The following PRR15L variants were observed in gnomAD, a reference collection of about 807,000 sequenced individuals.
PRR15L encodes the protein proline rich 15 like.
A neutral mutation model predicts 3.7 loss-of-function variants in PRR15L; 1 was observed. That is an observed-to-expected ratio of 0.27 (90% CI 0.09 to 1.27). The LOEUF (loss-of-function observed/expected upper bound fraction) is 1.27, where lower values mean the gene tolerates loss of function less well. Among genes scored for constraint, PRR15L ranks in the 50% most tolerant of loss-of-function variants. The pLI is 0.47. For missense variants in PRR15L, 127 were observed against 128.7 expected, an observed-to-expected ratio of 0.99 and a Z score of 0.06; for synonymous variants, 57 against 51.9, an observed-to-expected ratio of 1.10 and a Z score of -0.42.
chr17:47,955,456 A>G (rs1471102750), intron 1 of PRR15L, among the ~76,000 whole-genome samples: 2 of 150,078 alleles, frequency 1.3e-5, no homozygotes, highest in Non-Finnish European at 3.0e-5. Context: ...CTCAGAGCAC[A>G]CAGCCGGTGG....
rs1017562837 is a variant in PRR15L, at chr17:47,953,098, C to T, written c.137G>A (p.Gly46Asp). Residue 46 changes from glycine to aspartate, a missense_variant, in exon 2 of 2, where the codon GGC becomes GAC. Transcript: ENST00000300557. The part of the protein sequence containing the change: ...DAEPPRPDAG[G>D]PNSDFNTRLE... ...GCGGGTGTTAAAGTCGCTGTTGGGG[C>T]CTCCAGCGTCAGGCCTCGGGGGTTC... The T allele has an allele frequency of 1.7e-5, 27 of 1,614,010 alleles. 1 individual carries two copies. In the Middle Eastern group the frequency reaches 9.9e-4, roughly 59 times the overall value.
chr17:47,953,824 G>A (rs925519114), intron 1 of PRR15L, among the ~76,000 whole-genome samples: 3 of 152,210 alleles, frequency 2.0e-5, no homozygotes, highest in Non-Finnish European at 4.4e-5. Flanking sequence ...CCACTCGCCA[G>A]ACAGAGAGGC....
chr17:47,952,642 T>G lies in PRR15L; in HGVS notation c.*281A>C. 1 of 333,946 alleles carries G rather than the reference T, an allele frequency of 3.0e-6. No homozygotes were observed. Among genetic ancestry groups the G allele is most frequent in the Non-Finnish European group, 5.5e-6 (1 of 181,078 alleles). 20.7% of individuals were successfully genotyped at this position (333,946 alleles called of 1,614,324 possible). ...GCCCACCTCCCTGCTGGCCCTGCCA[T>G]TGCTTCAAGGAGGGCTGTTCCTCCT... is the stretch of plus-strand genomic sequence containing the variant. On this transcript the variant is annotated 3_prime_UTR_variant, in exon 2 of 2. Transcript: ENST00000300557.
chr17:47,953,264 C>A lies in PRR15L; in HGVS notation c.-29-1G>T. Reference sequence around the variant, plus strand: ...CTCCCTAAGCCAAGGATGGGGCTTTCTGCTGGAGCAGGGTGGGGGAGACAA... The same window carrying A: ...CTCCCTAAGCCAAGGATGGGGCTTTATGCTGGAGCAGGGTGGGGGAGACAA... On this transcript the variant is annotated splice_acceptor_variant, in intron 1 of 1. Coordinates refer to ENST00000300557, the MANE Select transcript of PRR15L (RefSeq NM_024320.4). LOFTEE classifies it low-confidence loss of function (5UTR_SPLICE). 1 of 1,517,420 alleles carries A rather than the reference C, an allele frequency of 6.6e-7. No individual in the cohort carries two copies. 94.0% of individuals were successfully genotyped at this position (1,517,420 alleles called of 1,614,324 possible).
At chr17:47,957,104 A>T (rs1003709710) in intron 1 of PRR15L, among the ~76,000 whole-genome samples, 15 of 152,204 alleles carry the variant, frequency 9.9e-5, no homozygotes, top group Non-Finnish European at 2.2e-4. Flanking sequence ...TAGCATGCAC[A>T]TGGGTGTCCC....
At position 47,953,274 on chromosome 17, in the gene PRR15L, A is replaced by T; in HGVS notation, c.-29-11T>A. On this transcript the variant is annotated splice_polypyrimidine_tract_variant and intron_variant, in intron 1 of 1. Transcript: ENST00000300557. ...CAAGGATGGGGCTTTCTGCTGGAGC[A>T]GGGTGGGGGAGACAAAGGGGTCAGT... The T allele has an allele frequency of 3.6e-5, 47 of 1,291,782 alleles. No individual in the cohort carries two copies. The highest frequency in any genetic ancestry group is 5.2e-5 in the East Asian group (2 of 38,378). 80.0% of individuals were successfully genotyped at this position (1,291,782 alleles called of 1,614,324 possible). A position where few individuals can be genotyped will look rare whatever the true frequency, so the allele number is the denominator to read the frequency against.
Position 47,954,934 on chromosome 17 carries a change from CT to C in PRR15L, c.-29-1672del, listed in dbSNP as rs1186644182. Among the ~76,000 whole-genome samples the C allele has an allele frequency of 4.5e-3, 604 of 133,570 alleles. 5 individuals are homozygous for C. The highest frequency in any genetic ancestry group is 0.011 in the African/African-American group (417 of 36,806). 87.6% of individuals were successfully genotyped at this position (133,570 alleles called of 152,430 possible). A position where few individuals can be genotyped will look rare whatever the true frequency, so the allele number is the denominator to read the frequency against. On this transcript the variant is annotated intron_variant, in intron 1 of 1. Coordinates refer to ENST00000300557, the MANE Select transcript of PRR15L (RefSeq NM_024320.4). ...TCCAAATGATGTGCCTTTTTTTTTT[CT>C]TTTTTTTTTTTTTGAGACAGAGTCT...
intron 1 of PRR15L, among the ~76,000 whole-genome samples, chr17:47,956,074 G>A (rs2144186151): frequency 6.6e-6 from 1 of 152,366 alleles, no homozygotes; most frequent in South Asian, 2.1e-4. Flanking sequence ...AAACTGTAGA[G>A]ATGGGAACAG....
chr17:47,953,134 T>A lies in PRR15L; in HGVS notation c.101A>T (p.Glu34Val). The change falls in exon 2 of 2, where the codon GAG becomes GTG. Residue 34 changes from glutamate to valine, a missense_variant. Physicochemically the swap from Glu to Val is moderately radical, Grantham distance 121 (BLOSUM62 -2). Transcript: ENST00000300557. ...YEIPDTYAQT[E>V]GDAEPPRPDA... ...AGGCCTCGGGGGTTCTGCATCTCCC[T>A]CTGTTTGGGCATAGGTGTCAGGGAT... 2 of 1,614,138 alleles carry A rather than the reference T, an allele frequency of 1.2e-6. No individual in the cohort carries two copies. The highest frequency in any genetic ancestry group is 2.2e-5 in the South Asian group (2 of 91,078).
intron 1 of PRR15L, among the ~76,000 whole-genome samples, chr17:47,954,544 C>T (rs2144182324): frequency 6.6e-6 from 1 of 152,214 alleles, no homozygotes; most frequent in East Asian, 1.9e-4. Context: ...CACTCACAGG[C>T]CATGTGTCCT....
At chr17:47,954,325 C>G (rs1303950584) in intron 1 of PRR15L, among the ~76,000 whole-genome samples, 3 of 152,188 alleles carry the variant, frequency 2.0e-5, no homozygotes, top group Non-Finnish European at 4.4e-5. Flanking sequence ...ACAGAGGTAA[C>G]CATGCATTGC....
chr17:47,953,584 G>T (rs967008603), intron 1 of PRR15L, among the ~76,000 whole-genome samples: 5 of 151,710 alleles, frequency 3.3e-5, no homozygotes, highest in Non-Finnish European at 7.4e-5. Context: ...ACTTGAACCC[G>T]GGAGGCAGAG....
At chr17:47,955,825 G>A (rs549101130) in intron 1 of PRR15L, among the ~76,000 whole-genome samples, 1 of 152,314 alleles carries the variant, frequency 6.6e-6, no homozygotes, top group Admixed American at 6.5e-5. Context: ...TGTCTGGAAT[G>A]AGGCCCACAG....
Position 47,953,149 on chromosome 17 carries a change from G to A in PRR15L, c.86C>T (p.Thr29Ile). ...TPKVLYEIPD[T>I]YAQTEGDAEP... ...TGCATCTCCCTCTGTTTGGGCATAGGTGTCAGGGATCTCATACAGCACTTT... is the reference window on the plus strand; with the variant it reads ...TGCATCTCCCTCTGTTTGGGCATAGATGTCAGGGATCTCATACAGCACTTT... The change falls in exon 2 of 2, where the codon ACC becomes ATC. Residue 29 changes from threonine (T) to isoleucine (I), a missense_variant. By Grantham distance (89) the Thr-to-Ile change is moderately conservative. Transcript: ENST00000300557. The A allele has an allele frequency of 6.2e-7, 1 of 1,613,942 alleles. No individual in the cohort carries two copies. The highest frequency in any genetic ancestry group is 8.5e-7 in the Non-Finnish European group (1 of 1,179,920).
At chr17:47,957,047 G>C (rs930079894) in intron 1 of PRR15L, among the ~76,000 whole-genome samples, 7 of 152,246 alleles carry the variant, frequency 4.6e-5, no homozygotes, top group African/African-American at 1.4e-4. Context: ...GCCATGAAAG[G>C]CCTCATGGGA....
At position 47,953,076 on chromosome 17, in the gene PRR15L, G is replaced by A. The variant is rs1364160046; in HGVS notation, c.159C>T (p.Thr53=). The part of the protein sequence containing the change: ...DAGGPNSDFN[T]RLEKIVDKST... The stretch of plus-strand genomic sequence containing the variant: ...TCTTGTCCACAATCTTCTCCAGGCG[G>A]GTGTTAAAGTCGCTGTTGGGGCCTC... The change falls in exon 2 of 2, where the codon ACC becomes ACT. Residue 53 remains threonine (T), a synonymous_variant. Transcript: ENST00000300557. 6.2e-7 allele frequency: 1 copy of A among 1,614,124 alleles called. No homozygotes were observed. The highest frequency in any genetic ancestry group is 8.5e-7 in the Non-Finnish European group (1 of 1,180,026).
At chr17:47,953,669 AAAG>A (rs1191598552) in intron 1 of PRR15L, among the ~76,000 whole-genome samples, 28 of 151,864 alleles carry the variant, frequency 1.8e-4, no homozygotes, top group East Asian at 1.4e-3. Context: ...AAAAAAAAAA[AAAG>A]AAAGAAGAAG....
rs746288576 is a variant in PRR15L at position 47,953,136 on chromosome 17, T to C, written c.99A>G (p.Thr33=). 6.2e-7 allele frequency: 1 copy of C among 1,614,114 alleles called. No homozygotes were observed. Among genetic ancestry groups the C allele is most frequent in the Admixed American group, 1.7e-5 (1 of 60,018 alleles). The change falls in exon 2 of 2, where the codon ACA becomes ACG. Residue 33 remains threonine, a synonymous_variant. Coordinates refer to ENST00000300557, the MANE Select transcript of PRR15L (RefSeq NM_024320.4). Reference sequence around the variant, plus strand: ...GCCTCGGGGGTTCTGCATCTCCCTCTGTTTGGGCATAGGTGTCAGGGATCT... The same window carrying C: ...GCCTCGGGGGTTCTGCATCTCCCTCCGTTTGGGCATAGGTGTCAGGGATCT... ...LYEIPDTYAQ[T]EGDAEPPRPD...
Position 47,957,814 on chromosome 17 carries a change from G to A in PRR15L, c.-187C>T, listed in dbSNP as rs11545723. 23,334 of 152,284 alleles carry A rather than the reference G, an allele frequency of 0.15. 2,066 individuals are homozygous for A. The highest frequency in any genetic ancestry group is 0.25 in the South Asian group (1,211 of 4,820). 9.4% of individuals were successfully genotyped at this position (152,284 alleles called of 1,614,324 possible). On this transcript the variant is annotated 5_prime_UTR_variant, in exon 1 of 2. Transcript: ENST00000300557. The stretch of plus-strand genomic sequence containing the variant: ...CCAGGAGAGGTGGGTAGGAGCAGCT[G>A]CACGTCAGGTGCAAGAGAAACAGGT...
Sources: allele counts gnomAD v4.1 joint callset (sites outside exome capture counted in the v4.1 genomes callset), GRCh38; gene constraint gnomAD v4.1.1; transcripts MANE v1.5; gene names NCBI Gene and HGNC (gene_info 2026-07-23, HGNC 2026-07-21).